The following ANK2 variants were observed in gnomAD, a reference collection of about 807,000 sequenced individuals.
ANK2 encodes ankyrin 2.
Under a neutral mutation model 360.5 loss-of-function variants are expected in ANK2, and 83 were observed. The ratio of observed to expected loss-of-function variants is 0.23; its 90% CI spans 0.19 to 0.28. The LOEUF (loss-of-function observed/expected upper bound fraction) is 0.28. Among genes scored for constraint, ANK2 ranks in the 10% least tolerant of loss-of-function variants. The probability of loss-of-function intolerance (pLI) is 1.00; values close to 1 mark genes in which losing one functional copy is unlikely to be tolerated. For missense variants in ANK2, 4,201 were observed against 4,795.7 expected, an observed-to-expected ratio of 0.88 and a Z score of 3.66; for synonymous variants, 1,740 against 1,759.5, an observed-to-expected ratio of 0.99 and a Z score of 0.28.
chr4:112,869,271 ATTTCTTTC>A (rs1045497685), intron 1 of ANK2, among the ~76,000 whole-genome samples: 2 of 149,436 alleles, frequency 1.3e-5, no homozygotes, highest in Non-Finnish European at 3.0e-5. Context: ...CTTGGGCTCA[ATTTCTTTC>A]TTTCTTTCTT....
At chr4:112,966,636 G>A (rs1582130403) in intron 2 of ANK2, among the ~76,000 whole-genome samples, 2 of 151,814 alleles carry the variant, frequency 1.3e-5, no homozygotes, top group South Asian at 4.2e-4. Flanking sequence ...GAACATTTTT[G>A]TACCTAGAAT....
chr4:113,193,907 G>A (rs1411630560), intron 2 of ANK2, among the ~76,000 whole-genome samples: 3 of 152,106 alleles, frequency 2.0e-5, no homozygotes, highest in African/African-American at 7.2e-5. Flanking sequence ...TAAGTTAGTT[G>A]TACTTTTCTG....
chr4:112,985,145 C>T (rs1274308816), intron 2 of ANK2, among the ~76,000 whole-genome samples: 2 of 152,180 alleles, frequency 1.3e-5, no homozygotes, highest in Non-Finnish European at 2.9e-5. Flanking sequence ...GTATTTCTAA[C>T]CTGTCTACTA....
At chr4:112,835,173 G>C (rs1220197249) in intron 1 of ANK2, among the ~76,000 whole-genome samples, 2 of 152,166 alleles carry the variant, frequency 1.3e-5, no homozygotes, top group Non-Finnish European at 2.9e-5. Context: ...ATTAATGACT[G>C]AGTCCATTAT....
chr4:112,934,570 C>A (rs1020018648), intron 2 of ANK2, among the ~76,000 whole-genome samples: 1 of 152,096 alleles, frequency 6.6e-6, no homozygotes, highest in Non-Finnish European at 1.5e-5. Flanking sequence ...CTCTTTCAGC[C>A]CCGCTTCCTC....
chr4:113,380,087 A>G lies in ANK2; in HGVS notation c.11860-1370A>G, dbSNP rs368060061. ...TATTGCTTAAATTCTCGGAGATTCA[A>G]TTTCTTTATTTGTTATACTAGTGTC... On this transcript the variant is annotated intron_variant, in intron 45 of 45. Coordinates refer to ENST00000357077, the MANE Select transcript of ANK2 (RefSeq NM_001148.6). Among the ~76,000 whole-genome samples the G allele has an allele frequency of 2.3e-4, 35 of 152,024 alleles. 1 individual carries two copies. Among genetic ancestry groups the G allele is most frequent in the African/African-American group, 8.5e-4 (35 of 41,388 alleles).
intron 1 of ANK2, chr4:113,106,875 C>G (rs762890294): frequency 3.8e-6 from 2 of 531,452 alleles, no homozygotes; most frequent in Admixed American, 2.0e-5. Context: ...AAAACTGGAT[C>G]AATTATAGGA....
chr4:113,276,667 G>A (rs1397480110), intron 15 of ANK2, among the ~76,000 whole-genome samples: 2 of 152,002 alleles, frequency 1.3e-5, no homozygotes, highest in Non-Finnish European at 2.9e-5. Flanking sequence ...CCCACACTTG[G>A]AAAAAACCAG....
intron 1 of ANK2, among the ~76,000 whole-genome samples, chr4:113,128,061 G>T (rs1227527455): frequency 1.3e-5 from 2 of 152,228 alleles, no homozygotes; most frequent in Non-Finnish European, 2.9e-5. Flanking sequence ...TGCTTTATAT[G>T]TGGTAAGTTT....
intron 1 of ANK2, among the ~76,000 whole-genome samples, chr4:113,107,903 C>G (rs1381889065): frequency 6.6e-6 from 1 of 152,076 alleles, no homozygotes; most frequent in East Asian, 1.9e-4. Flanking sequence ...TTGATGCCCT[C>G]TACCACATAA....
chr4:112,943,007 G>A (rs781179715), intron 2 of ANK2, among the ~76,000 whole-genome samples: 1 of 151,932 alleles, frequency 6.6e-6, no homozygotes, highest in East Asian at 1.9e-4. Context: ...ACCATCAATC[G>A]CTTGCTTCTT....
At chr4:112,915,757 A>C (rs1206182883) in intron 2 of ANK2, among the ~76,000 whole-genome samples, 1 of 150,862 alleles carries the variant, frequency 6.6e-6, no homozygotes, top group Non-Finnish European at 1.5e-5. Context: ...TCTGTTTCAA[A>C]AAAAAAATAA....
intron 1 of ANK2, among the ~76,000 whole-genome samples, chr4:113,174,204 T>C (rs1179474170): frequency 1.3e-5 from 2 of 152,238 alleles, no homozygotes; most frequent in Non-Finnish European, 1.5e-5. Context: ...CTCTAAAATA[T>C]TGACTTTTAA....
intron 13 of ANK2, 74 bp downstream of exon 13, chr4:113,258,485 T>C: frequency 2.2e-6 from 3 of 1,394,314 alleles, no homozygotes; most frequent in African/African-American, 2.8e-5. Flanking sequence ...TGTGTGTATG[T>C]GTGTTTGCGT....
chr4:113,345,249 GAGAC>G (rs1044355980), intron 34 of ANK2, among the ~76,000 whole-genome samples: 1 of 152,156 alleles, frequency 6.6e-6, no homozygotes, highest in African/African-American at 2.4e-5. Context: ...CAAACGTATA[GAGAC>G]AGAAAGTAGA....
At chr4:113,329,303 C>T (rs2091593118) in intron 26 of ANK2, among the ~76,000 whole-genome samples, 1 of 152,154 alleles carries the variant, frequency 6.6e-6, no homozygotes, top group East Asian at 1.9e-4. Flanking sequence ...AAGGAAACAA[C>T]TTCAAAGTTA....
intron 1 of ANK2, among the ~76,000 whole-genome samples, chr4:113,123,287 A>T (rs2095479468): frequency 6.6e-6 from 1 of 152,124 alleles, no homozygotes; most frequent in Non-Finnish European, 1.5e-5. Flanking sequence ...TTGATTAAAA[A>T]TAATGATATT....
chr4:112,791,200 G>T, the ANK2 span, among the ~76,000 whole-genome samples: 2 of 152,240 alleles, frequency 1.3e-5, no homozygotes, highest in South Asian at 2.1e-4. Flanking sequence ...AAGCAGGGAG[G>T]ACCCTGTGCT....
the ANK2 span, among the ~76,000 whole-genome samples, chr4:112,724,307 C>T: frequency 4.6e-5 from 7 of 152,004 alleles, no homozygotes; most frequent in East Asian, 5.8e-4. Context: ...TCAGGTGATC[C>T]GCCGCCCTCG....
Sources: allele counts gnomAD v4.1 joint callset (sites outside exome capture counted in the v4.1 genomes callset), GRCh38; gene constraint gnomAD v4.1.1; transcripts MANE v1.5; gene names NCBI Gene and HGNC (gene_info 2026-07-23, HGNC 2026-07-21).